MAML2: variants seen among roughly 807,000 people sequenced by gnomAD.
The protein encoded by MAML2 is mastermind like transcriptional coactivator 2.
In MAML2, 22 loss-of-function variants were observed where a neutral mutation model predicts 96.1. The ratio of observed to expected loss-of-function variants is 0.23; its 90% CI spans 0.16 to 0.33. The LOEUF (loss-of-function observed/expected upper bound fraction) is 0.33, where lower values mean the gene tolerates loss of function less well. Ranked by LOEUF, MAML2 falls within the 10% of genes least tolerant of loss-of-function variation. MAML2 has a pLI of 1.00. For synonymous variants in MAML2, 561 were observed against 521.3 expected (o/e 1.08, Z -1.04); for missense variants, 1,367 against 1,392.4 (o/e 0.98, Z 0.29).
At chr11:96,181,893 C>T (rs567501750) in intron 1 of MAML2, among the ~76,000 whole-genome samples, 1 of 152,186 alleles carries the variant, frequency 6.6e-6, no homozygotes, top group Admixed American at 6.5e-5. Context: ...TATAATATCA[C>T]AACCACTATC....
At chr11:96,193,033 T>C (rs965835366) in intron 1 of MAML2, among the ~76,000 whole-genome samples, 6 of 152,216 alleles carry the variant, frequency 3.9e-5, no homozygotes, top group African/African-American at 1.4e-4. Flanking sequence ...TCAGGAAACA[T>C]TTTATTCATT....
intron 2 of MAML2, among the ~76,000 whole-genome samples, chr11:96,003,356 G>A (rs1290345166): frequency 6.6e-6 from 1 of 152,104 alleles, no homozygotes; most frequent in Non-Finnish European, 1.5e-5. Context: ...ATCTTAATGA[G>A]TCCCCATAAT....
At chr11:96,076,126 A>G (rs148044846) in intron 2 of MAML2, among the ~76,000 whole-genome samples, 6 of 152,216 alleles carry the variant, frequency 3.9e-5, no homozygotes, top group Admixed American at 3.9e-4. Flanking sequence ...TTTTGCCAAG[A>G]GGTGTGATCC....
intron 1 of MAML2, among the ~76,000 whole-genome samples, chr11:96,305,355 G>T (rs73531143): frequency 4.6e-5 from 7 of 151,950 alleles, no homozygotes; most frequent in African/African-American, 1.7e-4. Flanking sequence ...CAGACCTTGG[G>T]TGATAGTGGT....
intron 2 of MAML2, among the ~76,000 whole-genome samples, chr11:96,023,800 G>A (rs1166718688): frequency 6.6e-6 from 1 of 152,222 alleles, no homozygotes; most frequent in African/African-American, 2.4e-5. Flanking sequence ...GAGCAAGGCA[G>A]AAGGTAAGAA....
chr11:96,144,562 A>G (rs535521392), intron 1 of MAML2, among the ~76,000 whole-genome samples: 2 of 152,296 alleles, frequency 1.3e-5, no homozygotes, highest in Admixed American at 1.3e-4. Context: ...CTTCCCCTCC[A>G]TGTAGCTGAC....
intron 1 of MAML2, among the ~76,000 whole-genome samples, chr11:96,282,851 C>T (rs1406166365): frequency 6.6e-6 from 1 of 152,220 alleles, no homozygotes; most frequent in Non-Finnish European, 1.5e-5. Context: ...AGTCATCCTC[C>T]TCCTTCTCCC....
At position 96,093,429 on chromosome 11, in the gene MAML2, A is replaced by C. The variant is rs933278935; in HGVS notation, c.602T>G (p.Leu201Arg). The C allele has an allele frequency of 3.1e-6, 5 of 1,613,946 alleles. No homozygotes were observed. The African/African-American group carries it at 6.7e-5, about 22-fold the overall frequency. The change falls in exon 2 of 5, where the codon CTT becomes CGT. Residue 201 changes from leucine to arginine, a missense_variant. Transcript: ENST00000524717. ...CCCAACACGAATTCTTTTGATATCA[A>C]GAAATGAGTTGTCCACAAAGCCATT... Reference protein sequence around the residue: ...RPNGFVDNSFLDIKRIRVGEN... With the variant: ...RPNGFVDNSFRDIKRIRVGEN...
At chr11:96,168,945 C>A (rs564094898) in intron 1 of MAML2, among the ~76,000 whole-genome samples, 3 of 152,172 alleles carry the variant, frequency 2.0e-5, no homozygotes, top group African/African-American at 7.2e-5. Flanking sequence ...CCTAGTGGTG[C>A]TATTCAGATT....
At chr11:96,000,391 C>A (rs1237239542) in intron 2 of MAML2, among the ~76,000 whole-genome samples, 3 of 152,294 alleles carry the variant, frequency 2.0e-5, no homozygotes, top group African/African-American at 7.2e-5. Context: ...CCTGTGGCTG[C>A]TTTCCCACTA....
chr11:96,199,413 T>A (rs1235570800), intron 1 of MAML2, among the ~76,000 whole-genome samples: 1 of 152,086 alleles, frequency 6.6e-6, no homozygotes, highest in African/African-American at 2.4e-5. Flanking sequence ...GGACTTCTTT[T>A]ACAAGAGACA....
chr11:96,221,099 A>G (rs1407772818), intron 1 of MAML2, among the ~76,000 whole-genome samples: 1 of 152,226 alleles, frequency 6.6e-6, no homozygotes, highest in Non-Finnish European at 1.5e-5. Flanking sequence ...ATATAGTGTT[A>G]TTAATACTAT....
intron 1 of MAML2, among the ~76,000 whole-genome samples, chr11:96,320,975 GT>G (rs1182114401): frequency 6.6e-6 from 1 of 152,174 alleles, no homozygotes; most frequent in African/African-American, 2.4e-5. Context: ...CGGATATGGG[GT>G]AGAAAATAAC....
In MAML2 at chr11:96,341,830, G is replaced by C; in HGVS notation, c.66C>G (p.Leu22=). The part of the protein sequence containing the change: ...GGLGGASGAG[L]LGGGSVTPRV... ...TCGGGGTGACTGAGCCCCCTCCAAG[G>C]AGCCCCGCCCCAGAGGCCCCCCCTA... The change falls in exon 1 of 5, where the codon CTC becomes CTG. Residue 22 remains leucine, a synonymous_variant. Transcript: ENST00000524717. 6.3e-7 allele frequency: 1 copy of C among 1,583,062 alleles called. No individual in the cohort carries two copies. Among genetic ancestry groups the C allele is most frequent in the Non-Finnish European group, 8.6e-7 (1 of 1,168,370 alleles).
Position 95,997,765 on chromosome 11 carries a change from G to A in MAML2, c.2140-6042C>T, listed in dbSNP as rs1448896203. Among the ~76,000 whole-genome samples, 4 of 152,160 alleles carry A rather than the reference G, an allele frequency of 2.6e-5. No homozygotes were observed. The East Asian group carries it at 7.7e-4, about 29-fold the overall frequency. The stretch of plus-strand genomic sequence containing the variant: ...CAAGTGGTCCCGAGCCCACTCTAAG[G>A]CCCACTGGTGAGCATCCTCTTCTTC... On this transcript the variant is annotated intron_variant, in intron 2 of 4. Coordinates refer to ENST00000524717, the MANE Select transcript of MAML2 (RefSeq NM_032427.4).
At chr11:96,252,535 C>T (rs1388070496) in intron 1 of MAML2, among the ~76,000 whole-genome samples, 1 of 150,746 alleles carries the variant, frequency 6.6e-6, no homozygotes, top group Non-Finnish European at 1.5e-5. Flanking sequence ...AAACAATTCT[C>T]CTGCCTCAGC....
intron 2 of MAML2, among the ~76,000 whole-genome samples, chr11:96,011,165 T>G (rs1028355834): frequency 6.6e-6 from 1 of 152,160 alleles, no homozygotes; most frequent in South Asian, 2.1e-4. Flanking sequence ...TTTGGAGATT[T>G]CTCAAGGAAC....
rs35138919 is a variant in MAML2, at chr11:96,326,358, CGTGTGTGTGT to C, written c.513+15015_513+15024del. The stretch of plus-strand genomic sequence containing the variant: ...AACTCTATTTTTAATCACACTAAAG[CGTGTGTGTGT>C]GTGTGTGTGTGTGTGTGTGCATGTA... On this transcript the variant is annotated intron_variant, in intron 1 of 4. Coordinates refer to ENST00000524717, the MANE Select transcript of MAML2 (RefSeq NM_032427.4). 1.7e-3 allele frequency among the ~76,000 whole-genome samples: 249 copies of C among 147,756 alleles called. 3 individuals carry two copies. Among genetic ancestry groups the C allele is most frequent in the East Asian group, 6.1e-3 (31 of 5,110 alleles).
At chr11:96,209,652 A>G (rs1343718694) in intron 1 of MAML2, among the ~76,000 whole-genome samples, 7 of 152,156 alleles carry the variant, frequency 4.6e-5, no homozygotes, top group Non-Finnish European at 7.4e-5. Flanking sequence ...CTTTATTGGT[A>G]TCCTGTAACA....
Sources: allele counts gnomAD v4.1 joint callset (sites outside exome capture counted in the v4.1 genomes callset), GRCh38; gene constraint gnomAD v4.1.1; transcripts MANE v1.5; gene names NCBI Gene and HGNC (gene_info 2026-07-23, HGNC 2026-07-21).